Variants in RFTN1 observed in about 807,000 individuals in gnomAD.
The protein encoded by RFTN1 is raftlin, lipid raft linker 1.
In RFTN1, 26 loss-of-function variants were observed where a neutral mutation model predicts 46.5. The ratio of observed to expected loss-of-function variants is 0.56; its 90% CI spans 0.41 to 0.78. RFTN1 has a LOEUF of 0.78. RFTN1 is among the 30% of genes least tolerant of loss of function. The pLI, the probability that RFTN1 is intolerant of heterozygous loss-of-function variation, is 0.00. For missense variants in RFTN1, 693 were observed against 718.7 expected, an observed-to-expected ratio of 0.96 and a Z score of 0.41; for synonymous variants, 261 against 284.2, an observed-to-expected ratio of 0.92 and a Z score of 0.82.
rs186924851 is a variant in RFTN1, at chr3:16,509,314, C to T, written c.-9+4128G>A. ...ATATGGCTTTGTGTATTTGGAAATC[C>T]GTGATTGTAGACAGATTTTGCCTTC... On this transcript the variant is annotated intron_variant, in intron 1 of 9. Transcript: ENST00000334133. This position sits in a 1 kb window ranked among gnomAD's most constrained non-coding sequence, Gnocchi z 4.9. Among the ~76,000 whole-genome samples the T allele has an allele frequency of 5.8e-4, 89 of 152,172 alleles. No homozygotes were observed. The highest frequency in any genetic ancestry group is 1.9e-3 in the African/African-American group (79 of 41,514).
At chr3:16,494,274 G>A (rs574110826) in intron 1 of RFTN1, among the ~76,000 whole-genome samples, 2 of 152,260 alleles carry the variant, frequency 1.3e-5, no homozygotes, top group South Asian at 2.1e-4. Flanking sequence ...TAAAAAACAA[G>A]AGATGTGTCA....
intron 5 of RFTN1, among the ~76,000 whole-genome samples, chr3:16,373,486 A>G (rs574289340): frequency 7.5e-4 from 114 of 152,302 alleles, no homozygotes; most frequent in African/African-American, 2.6e-3. Context: ...GGGAGGAAAG[A>G]GGCAGCTGTC....
At position 16,452,030 on chromosome 3, in the gene RFTN1, T is replaced by G. The variant is rs192628392; in HGVS notation, c.146-17993A>C. Among the ~76,000 whole-genome samples the G allele has an allele frequency of 2.0e-5, 3 of 152,208 alleles. No homozygotes were observed. The East Asian group carries it at 5.8e-4, about 29-fold the overall frequency. On this transcript the variant is annotated intron_variant, in intron 2 of 9. Coordinates refer to ENST00000334133, the MANE Select transcript of RFTN1 (RefSeq NM_015150.2). This position sits in a 1 kb window ranked among gnomAD's most constrained non-coding sequence, Gnocchi z 6.3. ...GGACAGCATGGATGCACAGGACAAA[T>G]AGATGATCCACGTCCTGGGCGGAAT... is the stretch of plus-strand genomic sequence containing the variant.
At chr3:16,355,810 A>G (rs900232083) in intron 7 of RFTN1, among the ~76,000 whole-genome samples, 2 of 152,232 alleles carry the variant, frequency 1.3e-5, no homozygotes, top group African/African-American at 4.8e-5. Context: ...CTGGTCCTGC[A>G]GTCACATTAA....
intron 2 of RFTN1, among the ~76,000 whole-genome samples, chr3:16,439,372 C>G (rs2075578892): frequency 6.6e-6 from 1 of 152,198 alleles, no homozygotes; most frequent in Admixed American, 6.5e-5. Context: ...AACCTCTCCA[C>G]TATTTTGTTT....
In RFTN1 at chr3:16,509,830, C is replaced by A. The variant is rs527913954; in HGVS notation, c.-9+3612G>T. On this transcript the variant is annotated intron_variant, in intron 1 of 9. Coordinates refer to ENST00000334133, the MANE Select transcript of RFTN1 (RefSeq NM_015150.2). The surrounding 1 kb of genome is among the most constrained non-coding windows in gnomAD (Gnocchi z 4.9). ...TGTCCCTACCCTCTGGCAGGCACTG[C>A]GCTAGGCTTTTAAGGAGGAGGGAAC... 6.6e-6 allele frequency among the ~76,000 whole-genome samples: 1 copy of A among 152,146 alleles called. No homozygotes were observed. Among genetic ancestry groups the A allele is most frequent in the Non-Finnish European group, 1.5e-5 (1 of 68,030 alleles).
intron 1 of RFTN1, among the ~76,000 whole-genome samples, chr3:16,508,016 T>C (rs530082629): frequency 1.9e-4 from 29 of 152,280 alleles, no homozygotes; most frequent in East Asian, 1.7e-3. Context: ...GTTGAAGAAG[T>C]GTGGAAACCT....
intron 4 of RFTN1, among the ~76,000 whole-genome samples, chr3:16,390,330 T>C (rs1241100352): frequency 2.0e-5 from 3 of 152,182 alleles, no homozygotes; most frequent in African/African-American, 4.8e-5. Context: ...CACTCAAATA[T>C]ACAGAAATGT....
intron 4 of RFTN1, among the ~76,000 whole-genome samples, chr3:16,393,477 C>T (rs2074397455): frequency 6.6e-6 from 1 of 152,120 alleles, no homozygotes; most frequent in South Asian, 2.1e-4. Context: ...CTGGATTTTA[C>T]CCCCTAAAAT....
chr3:16,340,816 G>A (rs1483518925), intron 7 of RFTN1, among the ~76,000 whole-genome samples: 1 of 152,044 alleles, frequency 6.6e-6, no homozygotes, highest in Non-Finnish European at 1.5e-5. Flanking sequence ...TTGTTTCCGT[G>A]GGATAAAAAT....
intron 4 of RFTN1, among the ~76,000 whole-genome samples, chr3:16,406,554 A>AGTCT (rs1187428217): frequency 6.6e-6 from 1 of 152,250 alleles, no homozygotes; most frequent in Non-Finnish European, 1.5e-5. Flanking sequence ...CAAGCTGTCC[A>AGTCT]GTCTGTCTTC....
chr3:16,387,404 G>C lies in RFTN1; in HGVS notation c.442-9302C>G, dbSNP rs1289919874. Among the ~76,000 whole-genome samples, 1 of 152,160 alleles carries C rather than the reference G, an allele frequency of 6.6e-6. No homozygotes were observed. Among genetic ancestry groups the C allele is most frequent in the Admixed American group, 6.5e-5 (1 of 15,282 alleles). ...TGACTTAAAGACAAAATCGAGGTCA[G>C]AAGCTGAGAAGCCCATCCCCATGTC... On this transcript the variant is annotated intron_variant, in intron 4 of 9. Coordinates refer to ENST00000334133, the MANE Select transcript of RFTN1 (RefSeq NM_015150.2). This position sits in a 1 kb window ranked among gnomAD's most constrained non-coding sequence, Gnocchi z 5.2.
Position 16,450,254 on chromosome 3 carries a change from G to A in RFTN1, c.146-16217C>T, listed in dbSNP as rs2075801029. Reference sequence around the variant, plus strand: ...TATCTTAAATTCTCCTCCCACCTCAGGCCTGCCTTGCTTGCAGCTCTGTCT... The same window carrying A: ...TATCTTAAATTCTCCTCCCACCTCAAGCCTGCCTTGCTTGCAGCTCTGTCT... On this transcript the variant is annotated intron_variant, in intron 2 of 9. Transcript: ENST00000334133. This position sits in a 1 kb window ranked among gnomAD's most constrained non-coding sequence, Gnocchi z 4.6. 6.6e-6 allele frequency among the ~76,000 whole-genome samples: 1 copy of A among 152,128 alleles called. No individual in the cohort carries two copies. Among genetic ancestry groups the A allele is most frequent in the African/African-American group, 2.4e-5 (1 of 41,412 alleles).
rs964513541 is a variant in RFTN1, at chr3:16,321,196, G to A, written c.1332+2180C>T. 6.6e-6 allele frequency among the ~76,000 whole-genome samples: 1 copy of A among 152,096 alleles called. No homozygotes were observed. Among genetic ancestry groups the A allele is most frequent in the African/African-American group, 2.4e-5 (1 of 41,394 alleles). On this transcript the variant is annotated intron_variant, in intron 9 of 9. Transcript: ENST00000334133. The surrounding 1 kb of genome is among the most constrained non-coding windows in gnomAD (Gnocchi z 4.8). ...GAGGGGGACAGTCATAGGTTTCCTC[G>A]AGCCACAGGATGGATGGAGCTGGAG...
At chr3:16,510,419 C>T (rs756684181) in intron 1 of RFTN1, among the ~76,000 whole-genome samples, 14 of 152,218 alleles carry the variant, frequency 9.2e-5, no homozygotes, top group Non-Finnish European at 1.9e-4. Context: ...GGTACATTCC[C>T]CTATGGAATT....
rs1011532439 is a variant in RFTN1, at chr3:16,489,714, C to T, written c.145+4011G>A. ...CTTGAGGTCAGGAGTTCAAGACCAGCCTGGCCAACATTGTGAAACCCCATC... is the reference window on the plus strand; with the variant it reads ...CTTGAGGTCAGGAGTTCAAGACCAGTCTGGCCAACATTGTGAAACCCCATC... On this transcript the variant is annotated intron_variant, in intron 2 of 9. Transcript: ENST00000334133. This position sits in a 1 kb window ranked among gnomAD's most constrained non-coding sequence, Gnocchi z 4.0. Among the ~76,000 whole-genome samples, 2 of 152,094 alleles carry T rather than the reference C, an allele frequency of 1.3e-5. No individual in the cohort carries two copies. The highest frequency in any genetic ancestry group is 2.9e-5 in the Non-Finnish European group (2 of 68,022).
chr3:16,319,494 A>G (rs1387795072), intron 9 of RFTN1, among the ~76,000 whole-genome samples: 1 of 152,152 alleles, frequency 6.6e-6, no homozygotes, highest in Non-Finnish European at 1.5e-5. Context: ...CCCCATTCAT[A>G]TTGTATTTGA....
At position 16,422,503 on chromosome 3, in the gene RFTN1, T is replaced by C; in HGVS notation, c.332+11348A>G. On this transcript the variant is annotated intron_variant, in intron 3 of 9. Transcript: ENST00000334133. The surrounding 1 kb of genome is among the most constrained non-coding windows in gnomAD (Gnocchi z 4.6). ...AAAATTAGCTGGGCGTGGTGGCACG[T>C]GCCTGTAATCCCAGCTACTCAGGAG... Among the ~76,000 whole-genome samples the C allele has an allele frequency of 6.6e-6, 1 of 151,862 alleles. No individual in the cohort carries two copies. Among genetic ancestry groups the C allele is most frequent in the East Asian group, 1.9e-4 (1 of 5,174 alleles).
rs2070858042 is a variant in RFTN1, at chr3:16,336,458, T to C, written c.1147-9582A>G. Among the ~76,000 whole-genome samples the C allele has an allele frequency of 6.6e-6, 1 of 152,206 alleles. No individual in the cohort carries two copies. The highest frequency in any genetic ancestry group is 1.5e-5 in the Non-Finnish European group (1 of 68,038). On this transcript the variant is annotated intron_variant, in intron 7 of 9. Coordinates refer to ENST00000334133, the MANE Select transcript of RFTN1 (RefSeq NM_015150.2). The surrounding 1 kb of genome is among the most constrained non-coding windows in gnomAD (Gnocchi z 6.0). ...CCCTCTGCAGCCAGCACAGCTGGCC[T>C]TCCTCACCCTCAGCCTCCCAGGCCT...
Sources: allele counts gnomAD v4.1 joint callset (sites outside exome capture counted in the v4.1 genomes callset), GRCh38; gene constraint gnomAD v4.1.1; non-coding constraint Gnocchi (gnomAD v3.1); transcripts MANE v1.5; gene names NCBI Gene and HGNC (gene_info 2026-07-23, HGNC 2026-07-21).